The following LDAH variants were observed in gnomAD, a reference collection of about 807,000 sequenced individuals.
LDAH encodes lipid droplet associated hydrolase, also known as lipid droplet-associated hydrolase.
In LDAH, 26 loss-of-function variants were observed where a neutral mutation model predicts 29.6. The observed-to-expected ratio is 0.88, with a 90% CI of 0.64 to 1.22. LDAH has a LOEUF of 1.22. Ranked by LOEUF, LDAH falls within the 50% of genes most tolerant of loss-of-function variation. LDAH has a pLI of 0.00. For synonymous variants in LDAH, 117 were observed against 133.0 expected (o/e 0.88, Z 0.83); for missense variants, 344 against 387.3 (o/e 0.89, Z 0.94).
At chr2:20,708,925 G>T (rs546840515) in intron 5 of LDAH, among the ~76,000 whole-genome samples, 1 of 152,230 alleles carries the variant, frequency 6.6e-6, no homozygotes, top group East Asian at 1.9e-4. Flanking sequence ...GTCTGATAAA[G>T]ATCTCTAGCC....
chr2:20,769,985 T>A lies in LDAH; in HGVS notation c.468+4825A>T, dbSNP rs192562276. Among the ~76,000 whole-genome samples, 78 of 152,242 alleles carry A rather than the reference T, an allele frequency of 5.1e-4. No individual in the cohort carries two copies. The Middle Eastern group carries it at 0.01, about 20-fold the overall frequency. ...ATAGACATACATGAAACATTTTTTT[T>A]AAAAAATGAAAAAGCATTATCACCT... On this transcript the variant is annotated intron_variant, in intron 4 of 6. Transcript: ENST00000237822.
intron 6 of LDAH, among the ~76,000 whole-genome samples, chr2:20,695,271 A>G (rs1553333058): frequency 6.6e-6 from 1 of 152,214 alleles, no homozygotes; most frequent in Non-Finnish European, 1.5e-5. Flanking sequence ...TCTTGGCCAC[A>G]TACTCAGCAT....
intron 4 of LDAH, among the ~76,000 whole-genome samples, chr2:20,762,599 A>G (rs1347863560): frequency 1.3e-5 from 2 of 152,172 alleles, no homozygotes; most frequent in Non-Finnish European, 2.9e-5. Context: ...CTCAATATAA[A>G]CAGACATCAT....
chr2:20,778,038 A>G (rs188130795), intron 3 of LDAH, among the ~76,000 whole-genome samples: 2 of 152,348 alleles, frequency 1.3e-5, no homozygotes, highest in African/African-American at 4.8e-5. Context: ...AACTGCCCGA[A>G]TTGGTGGATG....
chr2:20,758,686 G>A (rs748622661), intron 4 of LDAH, among the ~76,000 whole-genome samples: 1 of 152,190 alleles, frequency 6.6e-6, no homozygotes, highest in South Asian at 2.1e-4. Flanking sequence ...TCAGGAAAGA[G>A]TTCACACAGG....
chr2:20,746,068 G>C (rs987399536), intron 4 of LDAH, among the ~76,000 whole-genome samples: 1 of 152,194 alleles, frequency 6.6e-6, no homozygotes, highest in African/African-American at 2.4e-5. Context: ...GAACAGTATT[G>C]CTGGAGCAGA....
chr2:20,725,860 C>T (rs942884708), intron 5 of LDAH, among the ~76,000 whole-genome samples: 3 of 152,118 alleles, frequency 2.0e-5, no homozygotes, highest in Non-Finnish European at 2.9e-5. Flanking sequence ...GGAGCCATGA[C>T]GTGACCATGA....
At chr2:20,730,312 T>A (rs149338274) in intron 5 of LDAH, among the ~76,000 whole-genome samples, 2 of 152,182 alleles carry the variant, frequency 1.3e-5, no homozygotes, top group Non-Finnish European at 2.9e-5. Flanking sequence ...AGTTTTCACA[T>A]ATCAGGGATG....
At position 20,726,391 on chromosome 2, in the gene LDAH, G is replaced by C. The variant is rs149644387; in HGVS notation, c.703+13580C>G. Among the ~76,000 whole-genome samples the C allele has an allele frequency of 2.5e-3, 388 of 152,308 alleles. 3 individuals carry two copies. Among genetic ancestry groups the C allele is most frequent in the African/African-American group, 8.3e-3 (347 of 41,560 alleles). On this transcript the variant is annotated intron_variant, in intron 5 of 6. Coordinates refer to ENST00000237822, the MANE Select transcript of LDAH (RefSeq NM_021925.4). The stretch of plus-strand genomic sequence containing the variant: ...GTGTGGGAACAAAATTTAGGGTTGA[G>C]GACGAGCTGCAAGACTAGAAGATTC...
At position 20,789,394 on chromosome 2, in the gene LDAH, G is replaced by A. The variant is rs1670788302; in HGVS notation, c.298+861C>T. 2.1e-6 allele frequency: 3 copies of A among 1,457,944 alleles called. No individual in the cohort carries two copies. The African/African-American group carries it at 4.3e-5, about 21-fold the overall frequency. 90.3% of individuals were successfully genotyped at this position (1,457,944 alleles called of 1,614,324 possible). On this transcript the variant is annotated intron_variant, in intron 3 of 6. Transcript: ENST00000237822. ...GACATCGAATCTGCCAGTGCAGACT[G>A]GACTGGACGTCCAGTCTCAAGAAAC...
At chr2:20,763,130 TG>T (rs1668803886) in intron 4 of LDAH, among the ~76,000 whole-genome samples, 1 of 152,252 alleles carries the variant, frequency 6.6e-6, no homozygotes, top group South Asian at 2.1e-4. Context: ...GCTGTTACCC[TG>T]AACAAGCTGA....
intron 1 of LDAH, among the ~76,000 whole-genome samples, chr2:20,807,992 T>C (rs1672197282): frequency 6.7e-6 from 1 of 149,034 alleles, no homozygotes; most frequent in South Asian, 2.1e-4. Context: ...TGCAACATGG[T>C]CATTAGCTAA....
chr2:20,806,875 A>G (rs1672097191), intron 1 of LDAH, among the ~76,000 whole-genome samples: 1 of 151,768 alleles, frequency 6.6e-6, no homozygotes, highest in Non-Finnish European at 1.5e-5. Flanking sequence ...TGGCCTAAGG[A>G]ATTAGAAAAA....
intron 1 of LDAH, among the ~76,000 whole-genome samples, chr2:20,806,981 A>G (rs538300391): frequency 6.6e-6 from 1 of 152,038 alleles, no homozygotes; most frequent in East Asian, 1.9e-4. Context: ...AGAGAGGATT[A>G]GCAAACCCAA....
intron 1 of LDAH, among the ~76,000 whole-genome samples, chr2:20,822,744 CGGGGG>C (rs1673421400): frequency 6.6e-6 from 1 of 152,130 alleles, no homozygotes; most frequent in South Asian, 2.1e-4. Flanking sequence ...TACTCCTCCG[CGGGGG>C]CACCATAAGA....
chr2:20,779,227 G>T (rs749135162), intron 3 of LDAH, among the ~76,000 whole-genome samples: 15 of 152,060 alleles, frequency 9.9e-5, no homozygotes, highest in Admixed American at 7.2e-4. Flanking sequence ...ATATTTTAAA[G>T]AATTCTTTGA....
At position 20,684,797 on chromosome 2, in the gene LDAH, G is replaced by A. The variant is rs1662446744; in HGVS notation, c.*2106C>T. ...TAAAACTTTCACAAAGACCATCCAT[G>A]TGGTTGACTGGGACATACAGGCAGA... On this transcript the variant is annotated 3_prime_UTR_variant, in exon 7 of 7. Transcript: ENST00000237822. 2 of 1,435,154 alleles carry A rather than the reference G, an allele frequency of 1.4e-6. No individual in the cohort carries two copies. Among genetic ancestry groups the A allele is most frequent in the Admixed American group, 2.3e-5 (1 of 43,710 alleles). 88.9% of individuals were successfully genotyped at this position (1,435,154 alleles called of 1,614,324 possible). A position where few individuals can be genotyped will look rare whatever the true frequency, so the allele number is the denominator to read the frequency against.
intron 5 of LDAH, among the ~76,000 whole-genome samples, chr2:20,737,606 A>G (rs1038774329): frequency 3.3e-5 from 5 of 152,194 alleles, no homozygotes; most frequent in Admixed American, 1.3e-4. Flanking sequence ...CTGAAAACCA[A>G]CGAGGGGAAG....
At chr2:20,783,998 T>C (rs769985917) in intron 3 of LDAH, among the ~76,000 whole-genome samples, 2 of 152,208 alleles carry the variant, frequency 1.3e-5, no homozygotes, top group Non-Finnish European at 2.9e-5. Flanking sequence ...CGGGCGTGTA[T>C]AACTGTGCCT....
Sources: gnomAD v4.1 joint callset for allele counts (sites outside exome capture counted in the v4.1 genomes callset) on GRCh38, gnomAD v4.1.1 for gene constraint, MANE v1.5 for transcripts, NCBI Gene and HGNC (gene_info 2026-07-23, HGNC 2026-07-21) for gene names.